TENM3: variants seen among roughly 807,000 people sequenced by gnomAD.
The protein encoded by TENM3 is teneurin-3.
Under a neutral mutation model 255.1 loss-of-function variants are expected in TENM3, and 63 were observed. The ratio of observed to expected loss-of-function variants is 0.25; its 90% CI spans 0.20 to 0.30. TENM3 has a LOEUF of 0.30. Ranked by LOEUF, TENM3 falls within the 10% of genes least tolerant of loss-of-function variation. TENM3 has a pLI of 1.00. For missense variants in TENM3, 2,929 were observed against 3,461.1 expected (o/e 0.85, Z 3.86); for synonymous variants, 1,306 against 1,322.3 (o/e 0.99, Z 0.27).
At chr4:181,453,527 A>G in the TENM3 span, among the ~76,000 whole-genome samples, 1 of 151,676 alleles carries the variant, frequency 6.6e-6, no homozygotes, top group African/African-American at 2.4e-5. Context: ...CCAGTTGCCA[A>G]ACTCTTAACG....
chr4:181,468,917 TTC>T, the TENM3 span, among the ~76,000 whole-genome samples: 2 of 152,246 alleles, frequency 1.3e-5, no homozygotes, highest in South Asian at 2.1e-4. Context: ...GGACCCATTT[TTC>T]TCTCCTATGT....
In TENM3 at chr4:182,786,424, G is replaced by A. The variant is rs566570585; in HGVS notation, c.5305-2669G>A. 6.6e-5 allele frequency among the ~76,000 whole-genome samples: 10 copies of A among 152,164 alleles called. No homozygotes were observed. The East Asian group carries it at 1.9e-3, about 30-fold the overall frequency. On this transcript the variant is annotated intron_variant, in intron 24 of 27. Transcript: ENST00000511685. Reference sequence around the variant, plus strand: ...AATACAAAAATTAGCAAGGTGTGGTGGCACATGATTGTAATCCCAGCTACT... The same window carrying A: ...AATACAAAAATTAGCAAGGTGTGGTAGCACATGATTGTAATCCCAGCTACT...
intron 5 of TENM3, among the ~76,000 whole-genome samples, chr4:182,633,982 C>G (rs943019360): frequency 3.3e-5 from 5 of 152,134 alleles, no homozygotes; most frequent in African/African-American, 1.2e-4. Context: ...GGGGACCTTG[C>G]TAAGATGCAC....
At chr4:182,570,477 G>C (rs1744245160) in intron 3 of TENM3, among the ~76,000 whole-genome samples, 1 of 152,234 alleles carries the variant, frequency 6.6e-6, no homozygotes. Context: ...ATTTAGCTCT[G>C]TGGAAAATCA....
the TENM3 span, among the ~76,000 whole-genome samples, chr4:181,736,655 C>G: frequency 2.6e-5 from 4 of 151,758 alleles, no homozygotes; most frequent in Non-Finnish European, 5.9e-5. Context: ...CACCCAAATA[C>G]CATTAAAACC....
chr4:181,693,309 C>T, the TENM3 span, among the ~76,000 whole-genome samples: 2 of 152,288 alleles, frequency 1.3e-5, no homozygotes, highest in African/African-American at 2.4e-5. Flanking sequence ...TTCGCTATGA[C>T]TCGTCTTAGA....
At chr4:182,323,066 G>A (rs1283537573) in intron 1 of TENM3, among the ~76,000 whole-genome samples, 1 of 152,114 alleles carries the variant, frequency 6.6e-6, no homozygotes, top group Non-Finnish European at 1.5e-5. Flanking sequence ...ATGCGGATTC[G>A]CCCCGGGCCA....
At chr4:182,453,644 T>C (rs1052590082) in intron 3 of TENM3, among the ~76,000 whole-genome samples, 15 of 152,152 alleles carry the variant, frequency 9.9e-5, no homozygotes, top group African/African-American at 3.6e-4. Flanking sequence ...GTGTGGAAGT[T>C]TCAGTGAGTT....
At chr4:181,787,242 T>A in the TENM3 span, among the ~76,000 whole-genome samples, 1 of 152,078 alleles carries the variant, frequency 6.6e-6, no homozygotes, top group Non-Finnish European at 1.5e-5. Flanking sequence ...ACAGACTCTT[T>A]GTGGCAATTA....
chr4:182,465,598 T>G (rs972943870), intron 3 of TENM3, among the ~76,000 whole-genome samples: 7 of 152,136 alleles, frequency 4.6e-5, no homozygotes, highest in African/African-American at 9.7e-5. Context: ...TAAATGATTT[T>G]ACCAAAGTCT....
At chr4:182,250,580 G>A (rs947170414) in intron 1 of TENM3, among the ~76,000 whole-genome samples, 5 of 152,132 alleles carry the variant, frequency 3.3e-5, no homozygotes, top group African/African-American at 4.8e-5. Flanking sequence ...GAGGGAAATC[G>A]CTAACGAATT....
At chr4:181,821,355 C>G in the TENM3 span, among the ~76,000 whole-genome samples, 3 of 152,190 alleles carry the variant, frequency 2.0e-5, no homozygotes, top group Non-Finnish European at 2.9e-5. Flanking sequence ...TTTGAATCCC[C>G]TTTGGTGTTT....
the TENM3 span, among the ~76,000 whole-genome samples, chr4:181,516,618 A>C: frequency 6.6e-6 from 1 of 151,970 alleles, no homozygotes; most frequent in Non-Finnish European, 1.5e-5. Context: ...CCATCCCCAA[A>C]ATACAAAATG....
the TENM3 span, among the ~76,000 whole-genome samples, chr4:181,765,480 A>G: frequency 6.6e-6 from 1 of 152,230 alleles, no homozygotes; most frequent in African/African-American, 2.4e-5. Context: ...TGATTTCACG[A>G]CTGAAAAATA....
At chr4:182,128,503 G>C in the TENM3 span, among the ~76,000 whole-genome samples, 1 of 152,008 alleles carries the variant, frequency 6.6e-6, no homozygotes, top group Non-Finnish European at 1.5e-5. Context: ...ACCAGCGCCT[G>C]GCCTGTACTT....
chr4:181,917,749 C>T, the TENM3 span, among the ~76,000 whole-genome samples: 4 of 151,538 alleles, frequency 2.6e-5, no homozygotes, highest in South Asian at 8.4e-4. Context: ...GAAACCTCCG[C>T]CTCCCAGGTT....
chr4:182,577,782 A>G (rs1229306619), intron 3 of TENM3, among the ~76,000 whole-genome samples: 1 of 152,212 alleles, frequency 6.6e-6, no homozygotes, highest in Admixed American at 6.5e-5. Flanking sequence ...AGTATTAACT[A>G]TCTTTATGAT....
chr4:181,653,664 G>A, the TENM3 span, among the ~76,000 whole-genome samples: 1 of 147,020 alleles, frequency 6.8e-6, no homozygotes, highest in East Asian at 2.0e-4. Context: ...CTCCCAAAGT[G>A]TTAGGATTAC....
At chr4:182,522,340 C>T (rs1183680761) in intron 3 of TENM3, among the ~76,000 whole-genome samples, 1 of 152,082 alleles carries the variant, frequency 6.6e-6, no homozygotes, top group Non-Finnish European at 1.5e-5. Context: ...TCTTTTTCTC[C>T]CGCTTTCACT....
Sources: allele counts gnomAD v4.1 joint callset (sites outside exome capture counted in the v4.1 genomes callset), GRCh38; gene constraint gnomAD v4.1.1; transcripts MANE v1.5; gene names NCBI Gene and HGNC (gene_info 2026-07-23, HGNC 2026-07-21).